Variants in PNPLA7 observed in about 807,000 individuals in gnomAD.
PNPLA7 encodes the protein patatin like domain 7, lysophospholipase, also known as patatin-like phospholipase domain-containing protein 7.
A neutral mutation model predicts 161.7 loss-of-function variants in PNPLA7; 153 were observed. That is an observed-to-expected ratio of 0.95 (90% CI 0.83 to 1.08). The LOEUF is 1.08. PNPLA7 is among the 50% of genes least tolerant of loss of function. The pLI, the probability that PNPLA7 is intolerant of heterozygous loss-of-function variation, is 0.00. For synonymous variants in PNPLA7, 809 were observed against 782.1 expected (o/e 1.03, Z -0.57); for missense variants, 1,739 against 1,856.6 (o/e 0.94, Z 1.16).
chr9:137,475,087 A>G (rs1422442914), intron 25 of PNPLA7, among the ~76,000 whole-genome samples: 1 of 151,858 alleles, frequency 6.6e-6, no homozygotes, highest in Non-Finnish European at 1.5e-5. Flanking sequence ...TTTCATTTAG[A>G]AAAATTAAAA....
chr9:137,534,122 C>A lies in PNPLA7; in HGVS notation c.747+6520G>T, dbSNP rs147974875. On this transcript the variant is annotated intron_variant, in intron 8 of 34. Transcript: ENST00000406427. ...CCTCCACAACAGTGTCCACTCCAGG[C>A]GGGAGGACTCCCAGAATCCTCCACA... is the stretch of plus-strand genomic sequence containing the variant. Among the ~76,000 whole-genome samples, 511 of 140,848 alleles carry A rather than the reference C, an allele frequency of 3.6e-3. 2 individuals carry two copies. The highest frequency in any genetic ancestry group is 0.013 in the African/African-American group (484 of 37,146). The allele number at this position is 140,848 out of a possible 152,430, so 92.4% of individuals were successfully genotyped here.
At chr9:137,498,534 C>A (rs1833194495) in intron 16 of PNPLA7, among the ~76,000 whole-genome samples, 2 of 152,264 alleles carry the variant, frequency 1.3e-5, no homozygotes, top group African/African-American at 2.4e-5. Flanking sequence ...AGGCTGCGGT[C>A]CTGGCAGGGG....
chr9:137,479,539 GCAAA>G (rs1832105835), intron 23 of PNPLA7: 46 of 1,118,162 alleles, frequency 4.1e-5, no homozygotes, highest in Non-Finnish European at 4.9e-5. Flanking sequence ...GAGGTATTTT[GCAAA>G]CAAACTCTCA....
rs151097090 is a variant in PNPLA7, at chr9:137,498,390, C to T, written c.1758-145G>A. Reference sequence around the variant, plus strand: ...ACCACTGGCAGGGGCTGGGACGGGGCACGCACCAGTCAGCTGCCTGCCCCA... The same window carrying T: ...ACCACTGGCAGGGGCTGGGACGGGGTACGCACCAGTCAGCTGCCTGCCCCA... On this transcript the variant is annotated intron_variant, in intron 16 of 34. Coordinates refer to ENST00000406427, the MANE Select transcript of PNPLA7 (RefSeq NM_001098537.3). The T allele has an allele frequency of 1.0e-3, 1,283 of 1,244,706 alleles. 17 individuals are homozygous for T. The East Asian group carries it at 0.024, about 24-fold the overall frequency. 77.1% of individuals were successfully genotyped at this position (1,244,706 alleles called of 1,614,324 possible). A position where few individuals can be genotyped will look rare whatever the true frequency, so the allele number is the denominator to read the frequency against.
At position 137,540,946 on chromosome 9, in the gene PNPLA7, C is replaced by A. The variant is rs1028147498; in HGVS notation, c.667-224G>T. ...CAGCAAGGAAAACAGACGGAGGAGA[C>A]CCCACCTCTCCATCCCATGACTCGT... On this transcript the variant is annotated intron_variant, in intron 7 of 34. Transcript: ENST00000406427. The surrounding 1 kb of genome is among the most constrained non-coding windows in gnomAD (Gnocchi z 5.1). The A allele has an allele frequency of 7.2e-5, 37 of 510,958 alleles. No homozygotes were observed. Among genetic ancestry groups the A allele is most frequent in the Admixed American group, 3.2e-5 (1 of 31,542 alleles). The allele number at this position is 510,958 out of a possible 1,614,324, so 31.7% of individuals were successfully genotyped here.
rs937391444 is a variant in PNPLA7 at position 137,462,121 on chromosome 9, G to A, written c.3645+58C>T. On this transcript the variant is annotated intron_variant, in intron 31 of 34. Coordinates refer to ENST00000406427, the MANE Select transcript of PNPLA7 (RefSeq NM_001098537.3). Reference sequence around the variant, plus strand: ...TGTTCTCAAAAGGGGGAAGCGAGGAGGGGCAGCCACCAGAGTGCCTCCGCC... The same window carrying A: ...TGTTCTCAAAAGGGGGAAGCGAGGAAGGGCAGCCACCAGAGTGCCTCCGCC... The A allele has an allele frequency of 3.3e-6, 5 of 1,523,634 alleles. No homozygotes were observed. The Admixed American group carries it at 6.2e-5, about 19-fold the overall frequency. 94.4% of individuals were successfully genotyped at this position (1,523,634 alleles called of 1,614,324 possible). A position where few individuals can be genotyped will look rare whatever the true frequency, so the allele number is the denominator to read the frequency against.
intron 8 of PNPLA7, among the ~76,000 whole-genome samples, chr9:137,527,859 T>TC (rs1275862344): frequency 6.6e-6 from 1 of 152,208 alleles, no homozygotes; most frequent in African/African-American, 2.4e-5. Flanking sequence ...TGGGAAGTAT[T>TC]CCCCAGTGAA....
chr9:137,488,152 CT>C (rs1832585538), intron 20 of PNPLA7, among the ~76,000 whole-genome samples: 1 of 152,240 alleles, frequency 6.6e-6, no homozygotes, highest in African/African-American at 2.4e-5. Context: ...GGTCTGATGT[CT>C]CGTCCCGAGC....
At chr9:137,544,858 C>T (rs905241432) in intron 4 of PNPLA7, among the ~76,000 whole-genome samples, 1 of 152,152 alleles carries the variant, frequency 6.6e-6, no homozygotes, top group African/African-American at 2.4e-5. Flanking sequence ...CCATGTTGGC[C>T]AGGCTGGTCT....
intron 21 of PNPLA7, among the ~76,000 whole-genome samples, chr9:137,484,270 T>C (rs1306884823): frequency 2.0e-5 from 3 of 152,208 alleles, no homozygotes; most frequent in African/African-American, 4.8e-5. Flanking sequence ...ATTTTTAGCA[T>C]AACCTTAAAC....
At chr9:137,466,442 G>T (rs1479414919) in intron 26 of PNPLA7, among the ~76,000 whole-genome samples, 1 of 100,124 alleles carries the variant, frequency 1.0e-5, no homozygotes, top group Non-Finnish European at 2.0e-5. Context: ...TCCCAACACC[G>T]TCTCCACCAC....
At chr9:137,507,756 TAAA>T (rs777818957) in intron 12 of PNPLA7, among the ~76,000 whole-genome samples, 6 of 149,124 alleles carry the variant, frequency 4.0e-5, no homozygotes, top group Non-Finnish European at 8.8e-5. Context: ...AATAAATAAA[TAAA>T]ATAAAATACG....
In PNPLA7 at chr9:137,500,747, G is replaced by C; in HGVS notation, c.1701C>G (p.Thr567=). 2 of 1,612,480 alleles carry C rather than the reference G, an allele frequency of 1.2e-6. No homozygotes were observed. The highest frequency in any genetic ancestry group is 1.7e-6 in the Non-Finnish European group (2 of 1,179,882). Residue 567 remains threonine, a synonymous_variant, in exon 16 of 35, where the codon ACC becomes ACG. Transcript: ENST00000406427. This position sits in a 1 kb window ranked among gnomAD's most constrained non-coding sequence, Gnocchi z 5.5. ...AGCTGCAGTCCCTGTTGGCCTTGAC[G>C]GTGAAGATGAGAGGCTCCCCGGTGA... ...AVLTGEPLIF[T]VKANRDCSFL...
Position 137,543,942 on chromosome 9 carries a change from T to C in PNPLA7, c.274-127A>G. ...ACAGTCCCAGCTTCAGCTCCTGGGG[T>C]CTGGCTGTGCCATTTTCCCACCCTG... On this transcript the variant is annotated intron_variant, in intron 4 of 34. Transcript: ENST00000406427. The surrounding 1 kb of genome is among the most constrained non-coding windows in gnomAD (Gnocchi z 6.9). The C allele has an allele frequency of 1.3e-6, 1 of 747,486 alleles. No homozygotes were observed. The allele number at this position is 747,486 out of a possible 1,614,324, so 46.3% of individuals were successfully genotyped here.
At chr9:137,519,464 C>G (rs1411379550) in intron 11 of PNPLA7, among the ~76,000 whole-genome samples, 1 of 152,242 alleles carries the variant, frequency 6.6e-6, no homozygotes, top group Non-Finnish European at 1.5e-5. Context: ...CTGGGCCTGT[C>G]TGAGGACATC....
rs1354690561 is a variant in PNPLA7 at position 137,545,665 on chromosome 9, C to T, written c.273+1165G>A. Among the ~76,000 whole-genome samples the T allele has an allele frequency of 3.3e-5, 5 of 152,062 alleles. No individual in the cohort carries two copies. In the East Asian group the frequency reaches 9.7e-4, roughly 30 times the overall value. On this transcript the variant is annotated intron_variant, in intron 4 of 34. Transcript: ENST00000406427. ...AGCTTGTAGCAATTACTCTTTATTC[C>T]AATATTATAATAATCCTCACTCTAT...
At position 137,523,629 on chromosome 9, in the gene PNPLA7, ATTT is replaced by A. The variant is rs112185527; in HGVS notation, c.748-775_748-773del. On this transcript the variant is annotated intron_variant, in intron 8 of 34. Transcript: ENST00000406427. This position sits in a 1 kb window ranked among gnomAD's most constrained non-coding sequence, Gnocchi z 4.4. The stretch of plus-strand genomic sequence containing the variant: ...TGCCGTCACCTGCCTGCAGAGACAG[ATTT>A]TTTTTTTTTTTTGAGACAGAGTCTC... 6.9e-6 allele frequency among the ~76,000 whole-genome samples: 1 copy of A among 143,970 alleles called. No homozygotes were observed. The highest frequency in any genetic ancestry group is 7.0e-5 in the Admixed American group (1 of 14,310). The allele number at this position is 143,970 out of a possible 152,430, so 94.4% of individuals were successfully genotyped here.
intron 14 of PNPLA7, among the ~76,000 whole-genome samples, chr9:137,502,912 G>C (rs1253743131): frequency 6.6e-6 from 1 of 151,794 alleles, no homozygotes; most frequent in Admixed American, 6.6e-5. Flanking sequence ...GACGTGCTAT[G>C]ATGATGGGAT....
intron 8 of PNPLA7, among the ~76,000 whole-genome samples, chr9:137,539,397 C>T (rs1202984688): frequency 1.3e-5 from 2 of 152,066 alleles, no homozygotes; most frequent in Non-Finnish European, 2.9e-5. Flanking sequence ...AATGGCTTGG[C>T]ATGATGGCTT....
Sources: allele counts gnomAD v4.1 joint callset (sites outside exome capture counted in the v4.1 genomes callset), GRCh38; gene constraint gnomAD v4.1.1; non-coding constraint Gnocchi (gnomAD v3.1); transcripts MANE v1.5; gene names NCBI Gene and HGNC (gene_info 2026-07-23, HGNC 2026-07-21).